NPIPB2: variants seen among roughly 807,000 people sequenced by gnomAD.
NPIPB2 encodes the protein nuclear pore complex interacting protein family member B2.
A neutral mutation model predicts 30.8 loss-of-function variants in NPIPB2; 27 were observed. The observed-to-expected ratio is 0.88, with a 90% CI of 0.65 to 1.21. The LOEUF (loss-of-function observed/expected upper bound fraction) is 1.21. Among genes scored for constraint, NPIPB2 ranks in the 50% most tolerant of loss-of-function variants. The pLI, the probability that NPIPB2 is intolerant of heterozygous loss-of-function variation, is 0.00. For synonymous variants in NPIPB2, 147 were observed against 162.0 expected (o/e 0.91, Z 0.70); for missense variants, 440 against 446.2 (o/e 0.99, Z 0.13).
chr16:11,944,746 A>AC (rs2054985922), upstream of NPIPB2, among the ~76,000 whole-genome samples: 1 of 150,232 alleles, frequency 6.7e-6, no homozygotes, highest in South Asian at 2.1e-4. Context: ...AAAAAAAAAA[A>AC]AAAAAAAAAA....
upstream of NPIPB2, among the ~76,000 whole-genome samples, chr16:11,942,663 C>G (rs2054955609): frequency 6.6e-6 from 1 of 152,058 alleles, no homozygotes; most frequent in African/African-American, 2.4e-5. Context: ...AGTTCATCAG[C>G]TTCTCTCCTA....
At chr16:11,941,804 C>T (rs1279069045) in intron 1 of NPIPB2, 179 bp downstream of exon 1, 1 of 1,290,232 alleles carries the variant, frequency 7.8e-7, no homozygotes, top group Non-Finnish European at 1.1e-6. Flanking sequence ...CACTCTCCTC[C>T]CAAGGACAGG....
intron 1 of NPIPB2, among the ~76,000 whole-genome samples, chr16:11,949,790 T>G (rs2055046374): frequency 6.6e-6 from 1 of 152,194 alleles, no homozygotes; most frequent in Non-Finnish European, 1.5e-5. Flanking sequence ...TCTGTGTAGT[T>G]ACCCAGAGCG....
intron 1 of NPIPB2, among the ~76,000 whole-genome samples, chr16:11,963,441 G>T (rs2150938005): frequency 6.6e-6 from 1 of 150,786 alleles, no homozygotes; most frequent in South Asian, 2.1e-4. Flanking sequence ...ATGAAATAAA[G>T]TAGAAGGGAT....
intron 1 of NPIPB2, among the ~76,000 whole-genome samples, chr16:11,960,650 G>A (rs916466127): frequency 1.3e-5 from 2 of 150,950 alleles, no homozygotes; most frequent in Non-Finnish European, 3.0e-5. Context: ...GAGCCATGGC[G>A]CCTGGCCTCA....
At chr16:11,955,388 T>G (rs910031137) in intron 1 of NPIPB2, among the ~76,000 whole-genome samples, 4 of 148,654 alleles carry the variant, frequency 2.7e-5, no homozygotes, top group African/African-American at 9.9e-5. Flanking sequence ...GTTTCGGGAT[T>G]TAGAGAGAGA....
intron 1 of NPIPB2, among the ~76,000 whole-genome samples, chr16:11,970,598 C>T (rs1233134398): frequency 2.6e-5 from 4 of 151,818 alleles, no homozygotes; most frequent in Non-Finnish European, 5.9e-5. Context: ...TGCAGTGGTA[C>T]GATCTTGGCT....
intron 1 of NPIPB2, chr16:11,968,471 C>T (rs11570162): frequency 0.052 from 7,854 of 152,170 alleles, 323 homozygotes; most frequent in Admixed American, 0.13. Flanking sequence ...GGTGAGACTC[C>T]GTCTCAAAAC....
intron 1 of NPIPB2, among the ~76,000 whole-genome samples, chr16:11,948,424 C>T (rs2055032667): frequency 6.6e-6 from 1 of 152,042 alleles, no homozygotes; most frequent in Non-Finnish European, 1.5e-5. Context: ...ACAAACAAGT[C>T]TGTAGATCCA....
At chr16:11,974,710 C>G (rs557752050) in intron 1 of NPIPB2, among the ~76,000 whole-genome samples, 1 of 151,978 alleles carries the variant, frequency 6.6e-6, no homozygotes, top group Non-Finnish European at 1.5e-5. Flanking sequence ...GGGGTGTGGG[C>G]AAAACAAGTT....
intron 1 of NPIPB2, among the ~76,000 whole-genome samples, chr16:11,952,259 A>T (rs2055074210): frequency 6.6e-6 from 1 of 151,182 alleles, no homozygotes; most frequent in Non-Finnish European, 1.5e-5. Flanking sequence ...AAGGCAGGAG[A>T]ATGGTGTGAA....
chr16:11,943,243 CG>C (rs1470971277), upstream of NPIPB2, among the ~76,000 whole-genome samples: 7 of 151,990 alleles, frequency 4.6e-5, no homozygotes, highest in East Asian at 1.4e-3. Flanking sequence ...AGTTTGAACC[CG>C]GGAGGCAGAG....
chr16:11,946,223 T>C (rs2055007850), upstream of NPIPB2, among the ~76,000 whole-genome samples: 1 of 151,364 alleles, frequency 6.6e-6, no homozygotes, highest in Non-Finnish European at 1.5e-5. Context: ...CTGTCTCTAC[T>C]AAAAATGCAA....
intron 1 of NPIPB2, among the ~76,000 whole-genome samples, chr16:11,975,625 C>G (rs1208071894): frequency 1.3e-5 from 2 of 151,942 alleles, no homozygotes; most frequent in African/African-American, 4.8e-5. Context: ...GAGTCTCACT[C>G]TGTCACCCAG....
At chr16:11,967,927 C>T (rs1462083037) in intron 1 of NPIPB2, 1 of 1,491,154 alleles carries the variant, frequency 6.7e-7, no homozygotes, top group African/African-American at 1.4e-5. Context: ...TTTAGGATGA[C>T]TGTATTTTTC....
intron 1 of NPIPB2, among the ~76,000 whole-genome samples, chr16:11,970,015 C>T (rs2055226518): frequency 6.6e-6 from 1 of 151,886 alleles, no homozygotes; most frequent in Non-Finnish European, 1.5e-5. Context: ...GTGCCCGCCA[C>T]CACACCCGGC....
chr16:11,955,001 C>T (rs2055098025), intron 1 of NPIPB2, among the ~76,000 whole-genome samples: 1 of 152,040 alleles, frequency 6.6e-6, no homozygotes, highest in Non-Finnish European at 1.5e-5. Context: ...TCAAATCAGG[C>T]TGACCTGGTA....
chr16:11,964,656 C>A (rs972623573), intron 1 of NPIPB2, among the ~76,000 whole-genome samples: 9 of 152,170 alleles, frequency 5.9e-5, no homozygotes, highest in Non-Finnish European at 1.2e-4. Context: ...CTCAAGTGAT[C>A]CACCTGCCTC....
intron 1 of NPIPB2, among the ~76,000 whole-genome samples, chr16:11,975,476 A>G (rs1342677001): frequency 6.6e-6 from 1 of 151,940 alleles, no homozygotes; most frequent in Non-Finnish European, 1.5e-5. Flanking sequence ...CTCCACTGCC[A>G]CCACTGTAGA....
Sources: gnomAD v4.1 joint callset for allele counts (sites outside exome capture counted in the v4.1 genomes callset) on GRCh38, gnomAD v4.1.1 for gene constraint, MANE v1.5 for transcripts, NCBI Gene and HGNC (gene_info 2026-07-23, HGNC 2026-07-21) for gene names.